The following FGF13 variants were observed in gnomAD, a reference collection of about 807,000 sequenced individuals.
The protein encoded by FGF13 is fibroblast growth factor homologous factor 2.
A neutral mutation model predicts 19.5 loss-of-function variants in FGF13; 2 were observed. The ratio of observed to expected loss-of-function variants is 0.10; its 90% CI spans 0.04 to 0.32. The LOEUF is 0.32. Ranked by LOEUF, FGF13 falls within the 10% of genes least tolerant of loss-of-function variation. The probability of loss-of-function intolerance (pLI) is 1.00; values close to 1 mark genes in which losing one functional copy is unlikely to be tolerated. For missense variants in FGF13, 113 were observed against 192.7 expected (o/e 0.59, Z 2.45); for synonymous variants, 72 against 76.9 (o/e 0.94, Z 0.33).
chrX:138,984,588 A>AAGAAGAAGAAGGAGGAGGAGG (rs2091982501), intron 1 of FGF13, among the ~76,000 whole-genome samples: 1 of 11,507 alleles, frequency 8.7e-5, no homozygotes, highest in Non-Finnish European at 1.9e-4. Context: ...GAAGAAGAAG[A>AAGAAGAAGAAGGAGGAGGAGG]AGGAGGAGGA....
At chrX:138,790,623 C>T (rs7061097) in intron 3 of FGF13, among the ~76,000 whole-genome samples, 199 of 112,034 alleles carry the variant, frequency 1.8e-3, no homozygotes, top group African/African-American at 6.2e-3. Flanking sequence ...TTTGTGTTTT[C>T]TCATCCTTAT....
chrX:139,049,340 GAGAGATCT>G (rs1258739047), intron 1 of FGF13, among the ~76,000 whole-genome samples: 1 of 110,865 alleles, frequency 9.0e-6, no homozygotes, highest in Non-Finnish European at 1.9e-5. Flanking sequence ...CTCTCATACT[GAGAGATCT>G]ATCATACTGA....
intron 1 of FGF13, among the ~76,000 whole-genome samples, chrX:139,061,177 T>G (rs1210669173): frequency 8.9e-6 from 1 of 111,921 alleles, no homozygotes; most frequent in Admixed American, 9.5e-5. Flanking sequence ...ATCCATGATC[T>G]TTTTCTAAAT....
chrX:139,011,902 T>C (rs1330930167), intron 1 of FGF13, among the ~76,000 whole-genome samples: 1 of 111,279 alleles, frequency 9.0e-6, no homozygotes, highest in East Asian at 2.8e-4. Context: ...AGGCAAACTA[T>C]TGCTGTTTGC....
In FGF13 at chrX:138,821,638, C is replaced by T. The variant is rs748949896; in HGVS notation, c.217+35874G>A. Among the ~76,000 whole-genome samples, 7 of 111,862 alleles carry T rather than the reference C, an allele frequency of 6.3e-5. No individual in the cohort carries two copies. The South Asian group carries it at 2.6e-3, about 42-fold the overall frequency. On this transcript the variant is annotated intron_variant, in intron 3 of 6. Transcript: ENST00000436198. ...TGGACATATTGGGTTAAATAAGATA[C>T]ATGATCAAAATTACGTTCACCAGTT...
intron 1 of FGF13, among the ~76,000 whole-genome samples, chrX:138,991,237 T>C (rs1363717752): frequency 8.9e-6 from 1 of 111,910 alleles, no homozygotes; most frequent in Non-Finnish European, 1.9e-5. Context: ...AGAAATAGAG[T>C]GTATGCTTTC....
intron 1 of FGF13, among the ~76,000 whole-genome samples, chrX:138,893,328 C>T (rs769658842): frequency 9.0e-6 from 1 of 111,712 alleles, no homozygotes; most frequent in Admixed American, 9.5e-5. Flanking sequence ...TGTCCTTGCG[C>T]TTATAATTTT....
intron 1 of FGF13, among the ~76,000 whole-genome samples, chrX:139,156,423 G>A (rs2083977149): frequency 8.9e-6 from 1 of 111,818 alleles, no homozygotes; most frequent in Admixed American, 9.5e-5. Context: ...GTGATAAGAC[G>A]AATTTGATTA....
chrX:138,952,872 A>T (rs1569429150), intron 1 of FGF13, among the ~76,000 whole-genome samples: 1 of 110,794 alleles, frequency 9.0e-6, no homozygotes, highest in Non-Finnish European at 1.9e-5. Flanking sequence ...TCAAAACCAC[A>T]ATGAGATACC....
chrX:138,852,249 G>A (rs901610793), intron 3 of FGF13, among the ~76,000 whole-genome samples: 16 of 111,911 alleles, frequency 1.4e-4, no homozygotes, highest in African/African-American at 4.5e-4. Flanking sequence ...AAAAGAGCCT[G>A]CATAGCCAAG....
chrX:138,999,257 C>G lies in FGF13; in HGVS notation c.-112-134607G>C, dbSNP rs142390553. On this transcript the variant is annotated intron_variant, in intron 1 of 2. Transcript: ENST00000421460. ...AGGAAAGATCTAAAATTGATACTCT[C>G]ACATCACAATTAAAAGAACTAGAGA... 3.9e-3 allele frequency among the ~76,000 whole-genome samples: 438 copies of G among 111,630 alleles called. 1 individual carries two copies. Among genetic ancestry groups the G allele is most frequent in the African/African-American group, 0.013 (413 of 30,741 alleles).
At chrX:138,932,504 G>A (rs919233660) in intron 1 of FGF13, among the ~76,000 whole-genome samples, 10 of 97,064 alleles carry the variant, frequency 1.0e-4, no homozygotes, top group African/African-American at 2.2e-4. Flanking sequence ...GCTTGAACCC[G>A]GCGCGGGAGG....
chrX:138,660,984 A>G (rs1384168789), intron 3 of FGF13, among the ~76,000 whole-genome samples: 1 of 111,668 alleles, frequency 9.0e-6, no homozygotes, highest in Non-Finnish European at 1.9e-5. Context: ...ATACAATCCA[A>G]AGGTCCAACA....
At chrX:139,029,475 T>C (rs994546829) in intron 1 of FGF13, among the ~76,000 whole-genome samples, 10 of 112,399 alleles carry the variant, frequency 8.9e-5, no homozygotes, top group Non-Finnish European at 1.9e-5. Flanking sequence ...AGTCCTACCA[T>C]TTCTTTTCAG....
rs753773554 is a variant in FGF13, at chrX:138,959,768, T to C, written c.-112-95118A>G. 5.3e-5 allele frequency among the ~76,000 whole-genome samples: 6 copies of C among 112,171 alleles called. No individual in the cohort carries two copies. The South Asian group carries it at 2.2e-3, about 42-fold the overall frequency. ...TCTTGTTGAATTGATCCCTTTACTATTATGTAATGGCCTTCTTTGTCTCTT... is the reference window on the plus strand; with the variant it reads ...TCTTGTTGAATTGATCCCTTTACTACTATGTAATGGCCTTCTTTGTCTCTT... On this transcript the variant is annotated intron_variant, in intron 1 of 2. Coordinates refer to the FGF13 transcript ENST00000421460.
At chrX:139,023,350 T>C (rs2092185695) in intron 1 of FGF13, among the ~76,000 whole-genome samples, 1 of 111,537 alleles carries the variant, frequency 9.0e-6, no homozygotes, top group African/African-American at 3.3e-5. Context: ...TCATTCTTCT[T>C]TAGAATTTTT....
chrX:138,758,304 GCA>G (rs2090444322), intron 3 of FGF13, among the ~76,000 whole-genome samples: 1 of 111,707 alleles, frequency 9.0e-6, no homozygotes, highest in Non-Finnish European at 1.9e-5. Flanking sequence ...GATGCTCAGT[GCA>G]CTTCCCTTGC....
At chrX:138,962,063 C>G (rs2091873933) in intron 1 of FGF13, among the ~76,000 whole-genome samples, 1 of 111,912 alleles carries the variant, frequency 8.9e-6, no homozygotes, top group Admixed American at 9.5e-5. Context: ...AGGCAACCAA[C>G]AGAATGGGAG....
At chrX:138,813,858 G>T (rs897287709) in intron 3 of FGF13, among the ~76,000 whole-genome samples, 1 of 111,204 alleles carries the variant, frequency 9.0e-6, no homozygotes, top group Non-Finnish European at 1.9e-5. Flanking sequence ...ATGTTTTCTG[G>T]CTTCAGTGGA....
Sources: gnomAD v4.1 joint callset for allele counts (sites outside exome capture counted in the v4.1 genomes callset) on GRCh38, gnomAD v4.1.1 for gene constraint, MANE v1.5 for transcripts, NCBI Gene and HGNC (gene_info 2026-07-23, HGNC 2026-07-21) for gene names.